The following KLF17 variants were observed in gnomAD, a reference collection of about 807,000 sequenced individuals.
KLF17 encodes the protein Krueppel-like factor 17.
Under a neutral mutation model 34.2 loss-of-function variants are expected in KLF17, and 31 were observed. The ratio of observed to expected loss-of-function variants is 0.91; its 90% CI spans 0.68 to 1.22. The LOEUF (loss-of-function observed/expected upper bound fraction) is 1.22. Among genes scored for constraint, KLF17 ranks in the 50% most tolerant of loss-of-function variants. The pLI is 0.00. For missense variants in KLF17, 478 were observed against 505.2 expected (o/e 0.95, Z 0.52); for synonymous variants, 179 against 186.7 (o/e 0.96, Z 0.34).
the KLF17 span, among the ~76,000 whole-genome samples, chr1:44,079,312 T>C: frequency 6.6e-6 from 1 of 151,728 alleles, no homozygotes; most frequent in Non-Finnish European, 1.5e-5. Flanking sequence ...TTCTCCTTTT[T>C]TTTTTTTTGA....
the KLF17 span, among the ~76,000 whole-genome samples, chr1:44,078,595 G>A: frequency 7.9e-5 from 12 of 152,134 alleles, no homozygotes; most frequent in Non-Finnish European, 1.2e-4. Context: ...GTGCCAGTAC[G>A]CCCGGCTAAT....
Position 44,118,863 on chromosome 1 carries a change from G to T in KLF17, c.-45G>T. On this transcript the variant is annotated 5_prime_UTR_variant, in exon 1 of 4. Coordinates refer to ENST00000372299, the MANE Select transcript of KLF17 (RefSeq NM_173484.4). ...CCCGCCTGCGACGCCGTGGTGGCTG[G>T]TTCCCTGTCTCTTCAGTAGAGAGTC... 1 of 1,501,610 alleles carries T rather than the reference G, an allele frequency of 6.7e-7. No individual in the cohort carries two copies. The allele number at this position is 1,501,610 out of a possible 1,614,324, so 93.0% of individuals were successfully genotyped here.
chr1:44,080,088 G>A, the KLF17 span, among the ~76,000 whole-genome samples: 3 of 151,564 alleles, frequency 2.0e-5, no homozygotes, highest in Admixed American at 6.6e-5. Context: ...GCCACCATGC[G>A]TGGCTAATTT....
chr1:44,129,481 C>T lies in KLF17; in HGVS notation c.210C>T (p.Ser70=), dbSNP rs2154311771. The T allele has an allele frequency of 6.2e-7, 1 of 1,611,624 alleles. No homozygotes were observed. Among genetic ancestry groups the T allele is most frequent in the East Asian group, 2.2e-5 (1 of 44,842 alleles). Residue 70 remains serine, a synonymous_variant, in exon 2 of 4, where the codon TCC becomes TCT. Transcript: ENST00000372299. ...CTCACAGCGCAGAGATGCTGGGGTC[C>T]CCTTTGGTGTCTGTTGAGGCGCCGG... ...HFPHSAEMLG[S]PLVSVEAPGQ...
At chr1:44,131,893 C>T (rs7513599) in intron 3 of KLF17, among the ~76,000 whole-genome samples, 3,572 of 152,174 alleles carry the variant, frequency 0.023, 65 homozygotes, top group South Asian at 0.078. Context: ...CGGGGTTTCA[C>T]CATGTTGGCC....
At chr1:44,048,345 T>G in the KLF17 span, 4 of 152,220 alleles carry the variant, frequency 2.6e-5, no homozygotes, top group African/African-American at 9.7e-5. Flanking sequence ...ACTGATCCCC[T>G]TCATTCACTC....
At chr1:44,104,021 G>T in the KLF17 span, 1 of 863,556 alleles carries the variant, frequency 1.2e-6, no homozygotes, top group Non-Finnish European at 2.0e-6. Flanking sequence ...CCATGGAGCG[G>T]CTGTTGTCCA....
the KLF17 span, among the ~76,000 whole-genome samples, chr1:44,056,138 T>C: frequency 1.3e-5 from 2 of 152,228 alleles, no homozygotes; most frequent in Admixed American, 6.5e-5. Flanking sequence ...TCTTCTGCAA[T>C]GCATTAGCCA....
the KLF17 span, among the ~76,000 whole-genome samples, chr1:44,090,912 CCACA>C: frequency 6.7e-6 from 1 of 150,232 alleles, no homozygotes. Context: ...ACAATTCCCA[CCACA>C]CACACACACA....
At chr1:44,083,134 G>C in the KLF17 span, among the ~76,000 whole-genome samples, 3 of 151,614 alleles carry the variant, frequency 2.0e-5, no homozygotes, top group Non-Finnish European at 4.4e-5. Context: ...TTTTTGTAGA[G>C]ATGAGGCCTT....
chr1:44,101,666 C>T, the KLF17 span: 8 of 152,158 alleles, frequency 5.3e-5, no homozygotes, highest in Non-Finnish European at 8.8e-5. Flanking sequence ...ACAAATTTCT[C>T]CACTATAAAG....
In KLF17 at chr1:44,130,507, C is replaced by A. The variant is rs755338886; in HGVS notation, c.926-5C>A. 8.7e-6 allele frequency: 14 copies of A among 1,614,050 alleles called. No homozygotes were observed. In the East Asian group the frequency reaches 2.7e-4, roughly 31 times the overall value. On this transcript the variant is annotated splice_polypyrimidine_tract_variant and splice_region_variant and intron_variant, in intron 2 of 3. Coordinates refer to ENST00000372299, the MANE Select transcript of KLF17 (RefSeq NM_173484.4). ...TAAATTCCATCTCTCCCTTGTCATT[C>A]CCAGGTGAGAGGCCATATTCTTGCA...
the KLF17 span, among the ~76,000 whole-genome samples, chr1:44,098,896 ATT>A: frequency 8.1e-5 from 11 of 136,138 alleles, no homozygotes; most frequent in Non-Finnish European, 9.4e-5. Flanking sequence ...ACTCACTTTA[ATT>A]TTTTTTTTTT....
chr1:44,103,296 C>T, the KLF17 span: 434 of 718,636 alleles, frequency 6.0e-4, 3 homozygotes, highest in African/African-American at 6.3e-3. Flanking sequence ...GGAGGGGCTG[C>T]CCTGGCTGTT....
chr1:44,073,308 G>C, the KLF17 span, among the ~76,000 whole-genome samples: 227 of 151,208 alleles, frequency 1.5e-3, no homozygotes, highest in African/African-American at 5.3e-3. Context: ...CTGGGTTCAA[G>C]CGATTCTCCA....
At chr1:44,099,857 GAAAGAAAGAAAGAAAGAAAGA>G in the KLF17 span, among the ~76,000 whole-genome samples, 2 of 97,104 alleles carry the variant, frequency 2.1e-5, no homozygotes, top group African/African-American at 8.6e-5. Flanking sequence ...AAGAAAGAAA[GAAAGAAAGAAAGAAAGAAAGA>G]AAGAAAGAAA....
At chr1:44,120,090 T>G (rs2087928906) in intron 1 of KLF17, among the ~76,000 whole-genome samples, 1 of 152,228 alleles carries the variant, frequency 6.6e-6, no homozygotes, top group Non-Finnish European at 1.5e-5. Flanking sequence ...GATTTCTTGC[T>G]TGCACAATTG....
chr1:44,130,145 A>G lies in KLF17; in HGVS notation c.874A>G (p.Lys292Glu). 1 of 1,614,196 alleles carries G rather than the reference A, an allele frequency of 6.2e-7. No individual in the cohort carries two copies. The highest frequency in any genetic ancestry group is 8.5e-7 in the Non-Finnish European group (1 of 1,180,030). ...PYCCNYENCGKAYTKRSHLVS... is the reference protein window; with the variant it reads ...PYCCNYENCGEAYTKRSHLVS... ...CTGCTGCAACTACGAGAACTGCGGA[A>G]AAGCTTATACCAAACGCTCCCACCT... The change falls in exon 2 of 4, where the codon AAA becomes GAA. Residue 292 changes from lysine to glutamate, a missense_variant. Lys to Glu is a moderately conservative substitution (Grantham distance 56, BLOSUM62 1). Coordinates refer to ENST00000372299, the MANE Select transcript of KLF17 (RefSeq NM_173484.4).
rs1165338985 is a variant in KLF17 at position 44,130,121 on chromosome 1, T to G, written c.850T>G (p.Cys284Gly). 1.2e-6 allele frequency: 2 copies of G among 1,614,118 alleles called. No homozygotes were observed. Among genetic ancestry groups the G allele is most frequent in the Non-Finnish European group, 1.7e-6 (2 of 1,180,052 alleles). ...RRGSSEARPYCCNYENCGKAY... is the reference protein window; with the variant it reads ...RRGSSEARPYGCNYENCGKAY... ...GGGCTCCTCAGAGGCAAGGCCTTACTGCTGCAACTACGAGAACTGCGGAAA... is the reference window on the plus strand; with the variant it reads ...GGGCTCCTCAGAGGCAAGGCCTTACGGCTGCAACTACGAGAACTGCGGAAA... The change falls in exon 2 of 4, where the codon TGC becomes GGC. Residue 284 changes from cysteine to glycine, a missense_variant. Transcript: ENST00000372299.
Sources: gnomAD v4.1 joint callset for allele counts (sites outside exome capture counted in the v4.1 genomes callset) on GRCh38, gnomAD v4.1.1 for gene constraint, MANE v1.5 for transcripts, NCBI Gene and HGNC (gene_info 2026-07-23, HGNC 2026-07-21) for gene names.